RANBP2: variants seen among roughly 807,000 people sequenced by gnomAD.
The protein encoded by RANBP2 is E3 SUMO-protein ligase RanBP2.
A neutral mutation model predicts 303.6 loss-of-function variants in RANBP2; 57 were observed. That is an observed-to-expected ratio of 0.19 (90% CI 0.15 to 0.23). The LOEUF is 0.23. RANBP2 is among the 10% of genes least tolerant of loss of function. The pLI is 1.00. For missense variants in RANBP2, 3,138 were observed against 3,780.8 expected (o/e 0.83, Z 4.46); for synonymous variants, 1,167 against 1,301.5 (o/e 0.90, Z 2.23).
chr2:109,733,857 G>C, the RANBP2 span, among the ~76,000 whole-genome samples: 1 of 149,514 alleles, frequency 6.7e-6, no homozygotes, highest in Non-Finnish European at 1.5e-5. Context: ...AGACAACAGA[G>C]CCAGATCCTG....
the RANBP2 span, among the ~76,000 whole-genome samples, chr2:109,164,384 G>C: frequency 2.0e-5 from 3 of 152,150 alleles, no homozygotes; most frequent in Non-Finnish European, 4.4e-5. Context: ...GGGTCTTGCT[G>C]TGTTGCTCAG....
the RANBP2 span, among the ~76,000 whole-genome samples, chr2:108,825,161 TAGGG>T: frequency 6.6e-6 from 1 of 152,072 alleles, no homozygotes; most frequent in Non-Finnish European, 1.5e-5. Flanking sequence ...GCGTAAATAA[TAGGG>T]AGGTGGGAGG....
At chr2:109,134,706 G>A in the RANBP2 span, among the ~76,000 whole-genome samples, 1 of 152,132 alleles carries the variant, frequency 6.6e-6, no homozygotes, top group Admixed American at 6.5e-5. Context: ...GCCTTGGTTA[G>A]AAGAGTCCTC....
At chr2:109,436,753 T>G in the RANBP2 span, 785,863 of 1,323,614 alleles carry the variant, frequency 0.59, 238,548 homozygotes, top group Non-Finnish European at 0.62. Context: ...GTGACGGGCA[T>G]TGTTTTAGGA....
the RANBP2 span, chr2:109,565,885 T>G: frequency 7.8e-4 from 1,216 of 1,563,522 alleles, 7 homozygotes; most frequent in African/African-American, 0.013. Flanking sequence ...GAGCACATCT[T>G]CTCATACCAC....
At chr2:109,113,651 G>T in the RANBP2 span, among the ~76,000 whole-genome samples, 1 of 152,268 alleles carries the variant, frequency 6.6e-6, no homozygotes, top group South Asian at 2.1e-4. Flanking sequence ...AATTGCCCTG[G>T]CCAGAACTTC....
chr2:109,276,474 C>T, the RANBP2 span, among the ~76,000 whole-genome samples: 2 of 152,122 alleles, frequency 1.3e-5, no homozygotes, highest in Non-Finnish European at 2.9e-5. Flanking sequence ...AAGCTTTAGC[C>T]CAGGTGTCGC....
At chr2:108,985,346 C>T in the RANBP2 span, among the ~76,000 whole-genome samples, 4 of 152,174 alleles carry the variant, frequency 2.6e-5, no homozygotes, top group South Asian at 2.1e-4. Flanking sequence ...CAAGTGAAGG[C>T]GCGCCTTCCT....
At chr2:109,551,108 T>C in the RANBP2 span, among the ~76,000 whole-genome samples, 20 of 152,180 alleles carry the variant, frequency 1.3e-4, no homozygotes, top group African/African-American at 4.6e-4. Context: ...AATAAAGGAA[T>C]AGGGAAGACA....
the RANBP2 span, among the ~76,000 whole-genome samples, chr2:109,589,321 C>T: frequency 2.6e-5 from 4 of 152,050 alleles, 1 homozygote; most frequent in African/African-American, 9.6e-5. Context: ...TTACTTGAGG[C>T]CAGGAGTTTG....
the RANBP2 span, among the ~76,000 whole-genome samples, chr2:109,722,974 G>A: frequency 5.9e-5 from 9 of 152,012 alleles, no homozygotes; most frequent in South Asian, 2.1e-4. Context: ...ATTCCATTGC[G>A]TCTATACCCA....
chr2:108,968,764 C>A, the RANBP2 span, among the ~76,000 whole-genome samples: 1 of 152,192 alleles, frequency 6.6e-6, no homozygotes, highest in Non-Finnish European at 1.5e-5. Flanking sequence ...GAAATAAGGT[C>A]ATGTGGAAGG....
At chr2:109,171,484 G>C in the RANBP2 span, among the ~76,000 whole-genome samples, 4 of 152,146 alleles carry the variant, frequency 2.6e-5, no homozygotes, top group African/African-American at 9.7e-5. Flanking sequence ...CCCCTACCCC[G>C]ACCCCTCACT....
chr2:108,822,096 G>A, the RANBP2 span, among the ~76,000 whole-genome samples: 1 of 152,062 alleles, frequency 6.6e-6, no homozygotes, highest in Non-Finnish European at 1.5e-5. Context: ...CGTATCAGCT[G>A]AAAATGAAAG....
chr2:109,490,806 G>C, the RANBP2 span: 2 of 1,536,988 alleles, frequency 1.3e-6, no homozygotes, highest in Non-Finnish European at 1.7e-6. Context: ...CGAGATGCAG[G>C]GTGCCATGGG....
At chr2:108,723,502 C>G (rs964603692) in intron 1 of RANBP2, among the ~76,000 whole-genome samples, 2 of 152,044 alleles carry the variant, frequency 1.3e-5, no homozygotes, top group African/African-American at 4.8e-5. Flanking sequence ...GTCTCGATCT[C>G]CTGACCTCAT....
At chr2:109,637,517 G>A in the RANBP2 span, among the ~76,000 whole-genome samples, 4 of 152,160 alleles carry the variant, frequency 2.6e-5, no homozygotes, top group African/African-American at 9.7e-5. Context: ...CCACTTTCAA[G>A]GGCAGAGTTC....
the RANBP2 span, among the ~76,000 whole-genome samples, chr2:109,199,997 G>T: frequency 6.6e-6 from 1 of 152,024 alleles, no homozygotes; most frequent in African/African-American, 2.4e-5. Context: ...CAGCTAAGGT[G>T]GGGTGGGTGC....
the RANBP2 span, among the ~76,000 whole-genome samples, chr2:109,302,594 G>A: frequency 4.6e-5 from 7 of 152,152 alleles, no homozygotes; most frequent in African/African-American, 1.7e-4. Context: ...AATTTTGACA[G>A]TGCTAAATTT....
Sources: gnomAD v4.1 joint callset for allele counts (sites outside exome capture counted in the v4.1 genomes callset) on GRCh38, gnomAD v4.1.1 for gene constraint, MANE v1.5 for transcripts, NCBI Gene and HGNC (gene_info 2026-07-23, HGNC 2026-07-21) for gene names.